The following MIPEP variants were observed in gnomAD, a reference collection of about 807,000 sequenced individuals.
MIPEP encodes the protein mitochondrial intermediate peptidase.
Under a neutral mutation model 90.3 loss-of-function variants are expected in MIPEP, and 79 were observed. The observed-to-expected ratio is 0.87, with a 90% CI of 0.73 to 1.05. The LOEUF is 1.05. Ranked by LOEUF, MIPEP falls within the 50% of genes least tolerant of loss-of-function variation. The pLI, the probability that MIPEP is intolerant of heterozygous loss-of-function variation, is 0.00. For synonymous variants in MIPEP, 334 were observed against 315.8 expected, an observed-to-expected ratio of 1.06 and a Z score of -0.61; for missense variants, 940 against 905.6, an observed-to-expected ratio of 1.04 and a Z score of -0.49.
At chr13:23,819,066 C>T (rs1420185146) in intron 14 of MIPEP, among the ~76,000 whole-genome samples, 1 of 152,208 alleles carries the variant, frequency 6.6e-6, no homozygotes, top group Non-Finnish European at 1.5e-5. Context: ...GAATGTGTTT[C>T]ACTACTGGGT....
At chr13:23,787,118 C>T (rs2137370656) in intron 16 of MIPEP, among the ~76,000 whole-genome samples, 1 of 152,338 alleles carries the variant, frequency 6.6e-6, no homozygotes, top group Admixed American at 6.5e-5. Context: ...TTGTGTCTGA[C>T]ACACAGTGGT....
Position 23,837,585 on chromosome 13 carries a change from T to G in MIPEP, c.1510A>C (p.Met504Leu). 6.2e-7 allele frequency: 1 copy of G among 1,614,050 alleles called. No individual in the cohort carries two copies. Among genetic ancestry groups the G allele is most frequent in the African/African-American group, 1.3e-5 (1 of 75,062 alleles). Residue 504 changes from methionine (M) to leucine (L), a missense_variant, in exon 13 of 19, where the codon ATG becomes CTG. Transcript: ENST00000382172. ...FHEMGHAMHS[M>L]LGRTRYQHVT... ...TGTTGGTAACGAGTACGTCCTAGCA[T>G]TGAATGCATGGCATGTCCCATTTCA...
chr13:23,779,605 T>C (rs1040291682), intron 16 of MIPEP, among the ~76,000 whole-genome samples: 8 of 151,738 alleles, frequency 5.3e-5, no homozygotes, highest in African/African-American at 9.7e-5. Context: ...CGTCGGACAG[T>C]AGGGGCAGGA....
intron 18 of MIPEP, among the ~76,000 whole-genome samples, chr13:23,755,240 T>C (rs2138510019): frequency 6.6e-6 from 1 of 152,358 alleles, no homozygotes; most frequent in East Asian, 1.9e-4. Context: ...AAGAGCAGGA[T>C]GTTTGTCTAA....
intron 15 of MIPEP, among the ~76,000 whole-genome samples, chr13:23,807,408 G>C (rs964247660): frequency 6.6e-6 from 1 of 152,198 alleles, no homozygotes; most frequent in African/African-American, 2.4e-5. Context: ...GATTTGTAGA[G>C]AATGTGCAGC....
At chr13:23,813,392 C>T (rs181978529) in intron 14 of MIPEP, among the ~76,000 whole-genome samples, 4 of 152,168 alleles carry the variant, frequency 2.6e-5, no homozygotes, top group African/African-American at 7.2e-5. Context: ...TGAAATGATA[C>T]GGTATTTGCA....
At chr13:23,802,705 A>C (rs988684665) in intron 16 of MIPEP, among the ~76,000 whole-genome samples, 1 of 148,946 alleles carries the variant, frequency 6.7e-6, no homozygotes, top group African/African-American at 2.6e-5. Context: ...TTTTAACTTT[A>C]AGATTTTTCA....
intron 16 of MIPEP, among the ~76,000 whole-genome samples, chr13:23,802,059 G>T (rs1374472489): frequency 1.3e-5 from 2 of 152,034 alleles, no homozygotes; most frequent in African/African-American, 2.4e-5. Flanking sequence ...ATACCAATTT[G>T]CTCTCCTACC....
intron 16 of MIPEP, among the ~76,000 whole-genome samples, chr13:23,799,504 T>G (rs1953009267): frequency 6.6e-6 from 1 of 151,682 alleles, no homozygotes; most frequent in Admixed American, 6.6e-5. Context: ...TTTTTTGTAT[T>G]TTTAGTAGAG....
At chr13:23,851,713 GA>G (rs1416414919) in intron 10 of MIPEP, among the ~76,000 whole-genome samples, 1 of 140,920 alleles carries the variant, frequency 7.1e-6, no homozygotes, top group African/African-American at 2.6e-5. Flanking sequence ...TTTTTTTTAA[GA>G]GATGGAGTCT....
Position 23,771,577 on chromosome 13 carries a change from T to A in MIPEP, c.1849-11360A>T, listed in dbSNP as rs530918467. On this transcript the variant is annotated intron_variant, in intron 16 of 18. Transcript: ENST00000382172. Reference sequence around the variant, plus strand: ...CACACACACACACACACATCTGCATTTCTGAAGTGACAAAACAAAATTAAA... The same window carrying A: ...CACACACACACACACACATCTGCATATCTGAAGTGACAAAACAAAATTAAA... Among the ~76,000 whole-genome samples the A allele has an allele frequency of 4.1e-5, 6 of 144,972 alleles. No individual in the cohort carries two copies. In the East Asian group the frequency reaches 1.2e-3, roughly 29 times the overall value.
intron 2 of MIPEP, among the ~76,000 whole-genome samples, chr13:23,882,314 C>A (rs1161238192): frequency 2.0e-5 from 3 of 152,086 alleles, no homozygotes; most frequent in African/African-American, 7.2e-5. Flanking sequence ...GTATGGTTTT[C>A]ACATGTTAAC....
At chr13:23,819,316 T>C (rs1380056728) in intron 14 of MIPEP, among the ~76,000 whole-genome samples, 1 of 152,208 alleles carries the variant, frequency 6.6e-6, no homozygotes, top group Non-Finnish European at 1.5e-5. Flanking sequence ...GATCGCAGTC[T>C]ACCTGAGTCA....
chr13:23,765,281 C>CT (rs1490446836), intron 16 of MIPEP, among the ~76,000 whole-genome samples: 1 of 152,192 alleles, frequency 6.6e-6, no homozygotes, highest in Non-Finnish European at 1.5e-5. Flanking sequence ...GTAACAGCAG[C>CT]TTTCCTATCC....
intron 2 of MIPEP, among the ~76,000 whole-genome samples, chr13:23,886,072 TATTC>T (rs536516861): frequency 1.3e-3 from 196 of 152,102 alleles, no homozygotes; most frequent in African/African-American, 4.5e-3. Context: ...GCTATATTAG[TATTC>T]ATTCATTATA....
chr13:23,822,144 A>C lies in MIPEP; in HGVS notation c.1654-12220T>G, dbSNP rs994358869. Among the ~76,000 whole-genome samples, 4 of 152,222 alleles carry C rather than the reference A, an allele frequency of 2.6e-5. No individual in the cohort carries two copies. In the East Asian group the frequency reaches 7.7e-4, roughly 29 times the overall value. On this transcript the variant is annotated intron_variant, in intron 14 of 18. Transcript: ENST00000382172. The stretch of plus-strand genomic sequence containing the variant: ...ATCAAACATCGTGGGTGGTTTTTTA[A>C]AATAGGAAAATGGTAGAAATGTTGT...
intron 7 of MIPEP, among the ~76,000 whole-genome samples, chr13:23,868,985 C>G (rs76106533): frequency 0.13 from 19,449 of 152,198 alleles, 1,341 homozygotes; most frequent in African/African-American, 0.15. Context: ...TAATTCTAAC[C>G]AATTTGTCAA....
At chr13:23,842,668 G>C (rs1213116335) in intron 10 of MIPEP, 2 of 152,332 alleles carry the variant, frequency 1.3e-5, no homozygotes, top group Non-Finnish European at 2.9e-5. Context: ...CTGGTGCAGT[G>C]GGCACACGGC....
intron 8 of MIPEP, 33 bp downstream of exon 8, chr13:23,864,108 A>G: frequency 8.1e-7 from 1 of 1,233,872 alleles, no homozygotes; most frequent in Non-Finnish European, 1.1e-6. Context: ...ATAACATATA[A>G]CCAAAAAACT....
Sources: gnomAD v4.1 joint callset for allele counts (sites outside exome capture counted in the v4.1 genomes callset) on GRCh38, gnomAD v4.1.1 for gene constraint, MANE v1.5 for transcripts, NCBI Gene and HGNC (gene_info 2026-07-23, HGNC 2026-07-21) for gene names.